BACH2: variants seen among roughly 807,000 people sequenced by gnomAD.
BACH2 encodes the protein BACH transcriptional regulator 2.
A neutral mutation model predicts 61.8 loss-of-function variants in BACH2; 5 were observed. The ratio of observed to expected loss-of-function variants is 0.08; its 90% confidence interval spans 0.04 to 0.17. BACH2 has a LOEUF of 0.17. Ranked by LOEUF, BACH2 falls within the 10% of genes least tolerant of loss-of-function variation. The pLI is 1.00. For synonymous variants in BACH2, 446 were observed against 440.1 expected, an observed-to-expected ratio of 1.01 and a Z score of -0.17; for missense variants, 824 against 1,091.1, an observed-to-expected ratio of 0.76 and a Z score of 3.45.
At chr6:90,242,958 C>A (rs1296717284) in intron 3 of BACH2, among the ~76,000 whole-genome samples, 2 of 151,492 alleles carry the variant, frequency 1.3e-5, no homozygotes, top group Admixed American at 6.6e-5. Flanking sequence ...TGGCTCACTG[C>A]AACCTCCGCC....
intron 4 of BACH2, among the ~76,000 whole-genome samples, chr6:90,104,883 C>T (rs986975370): frequency 6.6e-6 from 1 of 152,152 alleles, no homozygotes; most frequent in African/African-American, 2.4e-5. Flanking sequence ...CTGGTTTCCC[C>T]CATACTACCA....
At chr6:89,973,004 C>T (rs150792253) in intron 6 of BACH2, among the ~76,000 whole-genome samples, 1,842 of 152,262 alleles carry the variant, frequency 0.012, 43 homozygotes, top group African/African-American at 0.042. Context: ...GCAGGAGAAT[C>T]GCTTGAAACC....
At chr6:90,029,026 T>A (rs1208142465) in intron 5 of BACH2, among the ~76,000 whole-genome samples, 1 of 152,242 alleles carries the variant, frequency 6.6e-6, no homozygotes. Flanking sequence ...ATTTTCCCCA[T>A]TCACGTTTCA....
At chr6:90,098,942 C>T (rs1582355229) in intron 4 of BACH2, among the ~76,000 whole-genome samples, 1 of 152,168 alleles carries the variant, frequency 6.6e-6, no homozygotes, top group East Asian at 1.9e-4. Flanking sequence ...TGGCTCTACC[C>T]CAGTGTTAGG....
At chr6:90,277,777 T>A (rs2127884852) in intron 1 of BACH2, among the ~76,000 whole-genome samples, 1 of 152,356 alleles carries the variant, frequency 6.6e-6, no homozygotes, top group South Asian at 2.1e-4. Flanking sequence ...CCATTAATTA[T>A]TCAATCTTAG....
At chr6:90,067,761 G>C (rs1781033558) in intron 5 of BACH2, among the ~76,000 whole-genome samples, 2 of 152,142 alleles carry the variant, frequency 1.3e-5, no homozygotes, top group Non-Finnish European at 2.9e-5. Flanking sequence ...CTGTGCACAA[G>C]ACATGGTTGC....
At chr6:90,095,406 T>A (rs986404570) in intron 4 of BACH2, among the ~76,000 whole-genome samples, 2 of 152,024 alleles carry the variant, frequency 1.3e-5, no homozygotes, top group African/African-American at 4.8e-5. Flanking sequence ...GGGAGGGAGA[T>A]GCAGTTATTT....
intron 5 of BACH2, among the ~76,000 whole-genome samples, chr6:90,059,519 T>C (rs1780565414): frequency 6.6e-6 from 1 of 152,188 alleles, no homozygotes; most frequent in African/African-American, 2.4e-5. Flanking sequence ...ACTTTTACAC[T>C]GTTGGTAGGA....
Position 89,931,492 on chromosome 6 carries a change from G to A in BACH2, c.*916C>T, listed in dbSNP as rs1330050534. 6.6e-6 allele frequency: 1 copy of A among 152,590 alleles called. No individual in the cohort carries two copies. Among genetic ancestry groups the A allele is most frequent in the Non-Finnish European group, 1.5e-5 (1 of 68,034 alleles). 9.5% of individuals were successfully genotyped at this position (152,590 alleles called of 1,614,324 possible). On this transcript the variant is annotated 3_prime_UTR_variant, in exon 9 of 9. Coordinates refer to ENST00000257749, the MANE Select transcript of BACH2 (RefSeq NM_021813.4). Reference sequence around the variant, plus strand: ...AAAGCAAAGAATATACAGTATACTTGAGTTATACCGAAGTTACAACTTCAT... The same window carrying A: ...AAAGCAAAGAATATACAGTATACTTAAGTTATACCGAAGTTACAACTTCAT...
chr6:90,234,694 G>T (rs1481198232), intron 3 of BACH2, among the ~76,000 whole-genome samples: 1 of 152,180 alleles, frequency 6.6e-6, no homozygotes, highest in Non-Finnish European at 1.5e-5. Flanking sequence ...CAAAGAAGGT[G>T]GTCACAGTGT....
intron 6 of BACH2, among the ~76,000 whole-genome samples, chr6:90,004,909 T>C (rs1290408623): frequency 6.6e-6 from 1 of 152,224 alleles, no homozygotes; most frequent in Non-Finnish European, 1.5e-5. Flanking sequence ...CTGACACAAT[T>C]ACCTGGGTGT....
At chr6:89,933,155 G>A (rs895512606) in intron 8 of BACH2, among the ~76,000 whole-genome samples, 9 of 151,980 alleles carry the variant, frequency 5.9e-5, no homozygotes, top group African/African-American at 1.5e-4. Flanking sequence ...CGGCAAAATC[G>A]TCACGAATCA....
Position 89,950,360 on chromosome 6 carries a change from C to T in BACH2, c.1746G>A (p.Glu582=), listed in dbSNP as rs1037109777. The change falls in exon 7 of 9, where the codon GAG becomes GAA. Residue 582 remains glutamate, a synonymous_variant. Coordinates refer to ENST00000257749, the MANE Select transcript of BACH2 (RefSeq NM_021813.4). The surrounding 1 kb of genome is among the most constrained non-coding windows in gnomAD (Gnocchi z 5.3). ...YNQVRPQIKC[E]QSYGTNSSDE... ...CACTGGAGTTGGTTCCATAAGACTGCTCACATTTAATTTGGGGCCGCACTT... is the reference window on the plus strand; with the variant it reads ...CACTGGAGTTGGTTCCATAAGACTGTTCACATTTAATTTGGGGCCGCACTT... 14 of 1,614,136 alleles carry T rather than the reference C, an allele frequency of 8.7e-6. No homozygotes were observed. Among genetic ancestry groups the T allele is most frequent in the Non-Finnish European group, 1.1e-5 (13 of 1,180,036 alleles).
chr6:89,950,465 G>A lies in BACH2; in HGVS notation c.1641C>T (p.Ser547=). 1 of 1,614,174 alleles carries A rather than the reference G, an allele frequency of 6.2e-7. No homozygotes were observed. The change falls in exon 7 of 9, where the codon TCC becomes TCT. Residue 547 remains serine, a synonymous_variant. Coordinates refer to ENST00000257749, the MANE Select transcript of BACH2 (RefSeq NM_021813.4). This position sits in a 1 kb window ranked among gnomAD's most constrained non-coding sequence, Gnocchi z 5.3. ...PCSLPLCEFS[S]SPCSQGARFL... ...ATCTGGCTCCCTGGGAACAGGGCGAGGAGGAGAACTCACAGAGAGGGAGGC... is the reference window on the plus strand; with the variant it reads ...ATCTGGCTCCCTGGGAACAGGGCGAAGAGGAGAACTCACAGAGAGGGAGGC...
At chr6:90,081,429 G>A (rs767635238) in intron 5 of BACH2, among the ~76,000 whole-genome samples, 1 of 152,148 alleles carries the variant, frequency 6.6e-6, no homozygotes, top group African/African-American at 2.4e-5. Flanking sequence ...ACCAACCAGG[G>A]CATTCAACAC....
In BACH2 at chr6:90,008,337, C is replaced by CTCT; in HGVS notation, c.243+264_243+265insAGA. The CTCT allele has an allele frequency of 1.9e-6, 1 of 521,416 alleles. No individual in the cohort carries two copies. The highest frequency in any genetic ancestry group is 3.5e-6 in the Non-Finnish European group (1 of 289,476). 32.3% of individuals were successfully genotyped at this position (521,416 alleles called of 1,614,324 possible). On this transcript the variant is annotated intron_variant, in intron 6 of 8. Coordinates refer to ENST00000257749, the MANE Select transcript of BACH2 (RefSeq NM_021813.4). This position sits in a 1 kb window ranked among gnomAD's most constrained non-coding sequence, Gnocchi z 4.1. ...AAACTTAGGCTGAACCACTCAAAACCTGAAGGGTAAGTGAACTAGAAACTA... is the reference window on the plus strand; with the variant it reads ...AAACTTAGGCTGAACCACTCAAAACCTCTTGAAGGGTAAGTGAACTAGAAACTA...
At chr6:89,995,339 T>C (rs1776786608) in intron 6 of BACH2, among the ~76,000 whole-genome samples, 2 of 152,192 alleles carry the variant, frequency 1.3e-5, no homozygotes, top group Middle Eastern at 6.8e-3. Context: ...CACTGGAAGT[T>C]ATATCTCAAA....
At chr6:90,228,471 G>C (rs1769986592) in intron 3 of BACH2, among the ~76,000 whole-genome samples, 1 of 152,274 alleles carries the variant, frequency 6.6e-6, no homozygotes, top group South Asian at 2.1e-4. Flanking sequence ...GTTGGGCGTG[G>C]TGGCTCACGC....
rs368946716 is a variant in BACH2, at chr6:90,124,385, T to G, written c.-161-35276A>C. ...CTTTCCACGTGTATTTCCAAGTGTT[T>G]ATTCACACAGAGATGTCTGTGTACA... On this transcript the variant is annotated intron_variant, in intron 4 of 8. Transcript: ENST00000257749. 2.6e-5 allele frequency among the ~76,000 whole-genome samples: 4 copies of G among 152,224 alleles called. No homozygotes were observed. The East Asian group carries it at 5.8e-4, about 22-fold the overall frequency.
Sources: allele counts gnomAD v4.1 joint callset (sites outside exome capture counted in the v4.1 genomes callset), GRCh38; gene constraint gnomAD v4.1.1; non-coding constraint Gnocchi (gnomAD v3.1); transcripts MANE v1.5; gene names NCBI Gene and HGNC (gene_info 2026-07-23, HGNC 2026-07-21).